Variants in TP63 observed in about 807,000 individuals in gnomAD.
TP63 encodes the protein tumor protein 63.
In TP63, 17 loss-of-function variants were observed where a neutral mutation model predicts 82.8. The observed-to-expected ratio is 0.21, with a 90% CI of 0.14 to 0.31. The LOEUF (loss-of-function observed/expected upper bound fraction) is 0.31. TP63 is among the 10% of genes least tolerant of loss of function. The probability of loss-of-function intolerance (pLI) is 1.00; values close to 1 mark genes in which losing one functional copy is unlikely to be tolerated. For missense variants in TP63, 648 were observed against 895.3 expected, an observed-to-expected ratio of 0.72 and a Z score of 3.52; for synonymous variants, 330 against 321.7, an observed-to-expected ratio of 1.03 and a Z score of -0.28.
chr3:189,669,589 C>T (rs1380104500), intron 1 of TP63, among the ~76,000 whole-genome samples: 1 of 151,850 alleles, frequency 6.6e-6, no homozygotes, highest in East Asian at 1.9e-4. Context: ...AAACCTGTGA[C>T]AATAGTGAAA....
chr3:189,741,215 A>C (rs575789637), intron 3 of TP63, among the ~76,000 whole-genome samples: 9 of 135,342 alleles, frequency 6.6e-5, no homozygotes, highest in African/African-American at 1.9e-4. Context: ...AAAAAAAAAA[A>C]AACCCTGAGA....
At chr3:189,882,506 C>G (rs1375738581) in intron 10 of TP63, among the ~76,000 whole-genome samples, 1 of 149,848 alleles carries the variant, frequency 6.7e-6, no homozygotes. Context: ...AACAAGGATG[C>G]TCTGCTCCGC....
intron 3 of TP63, 30 bp downstream of exon 3, chr3:189,738,804 T>A: frequency 6.2e-7 from 1 of 1,613,132 alleles, no homozygotes. Flanking sequence ...TCTTCAGTCT[T>A]TGGGCCATGC....
At chr3:189,660,637 G>A (rs973800317) in intron 1 of TP63, among the ~76,000 whole-genome samples, 1 of 152,010 alleles carries the variant, frequency 6.6e-6, no homozygotes, top group Non-Finnish European at 1.5e-5. Flanking sequence ...TGTTGAATCT[G>A]TAGATTGATT....
intron 4 of TP63, among the ~76,000 whole-genome samples, chr3:189,819,850 CAA>C (rs1728614247): frequency 7.0e-6 from 1 of 143,208 alleles, no homozygotes; most frequent in African/African-American, 2.6e-5. Context: ...CTCCCAGGTT[CAA>C]GCAACTCTCT....
intron 3 of TP63, among the ~76,000 whole-genome samples, chr3:189,769,330 A>G (rs567311589): frequency 3.2e-4 from 49 of 152,310 alleles, no homozygotes; most frequent in Non-Finnish European, 5.4e-4. Flanking sequence ...AAATGAAAGC[A>G]CAATTTTATC....
intron 8 of TP63, among the ~76,000 whole-genome samples, chr3:189,869,029 A>G (rs1718083679): frequency 6.6e-6 from 1 of 152,126 alleles, no homozygotes; most frequent in African/African-American, 2.4e-5. Context: ...TTCCTGCAAC[A>G]TTACTTAAGC....
At chr3:189,706,553 C>G (rs1268576827) in intron 1 of TP63, among the ~76,000 whole-genome samples, 3 of 152,182 alleles carry the variant, frequency 2.0e-5, no homozygotes, top group African/African-American at 7.2e-5. Flanking sequence ...CGTGCCCGGC[C>G]GTGAATTTAC....
the TP63 span, among the ~76,000 whole-genome samples, chr3:189,600,172 C>T: frequency 2.0e-5 from 3 of 152,150 alleles, no homozygotes; most frequent in Non-Finnish European, 2.9e-5. Context: ...TTTGACAAAA[C>T]TTGTTGAATT....
chr3:189,730,380 G>T (rs936327793), intron 1 of TP63, among the ~76,000 whole-genome samples: 41 of 152,182 alleles, frequency 2.7e-4, no homozygotes, highest in African/African-American at 8.7e-4. Flanking sequence ...GAAAAAGGCT[G>T]ACTATTTTGA....
chr3:189,826,540 T>C (rs1423297652), intron 4 of TP63, among the ~76,000 whole-genome samples: 1 of 152,216 alleles, frequency 6.6e-6, no homozygotes, highest in African/African-American at 2.4e-5. Context: ...AGTCAGGAGT[T>C]GAGTGAAATA....
chr3:189,610,983 C>T, the TP63 span, among the ~76,000 whole-genome samples: 2 of 152,154 alleles, frequency 1.3e-5, no homozygotes, highest in Non-Finnish European at 2.9e-5. Flanking sequence ...TATTTGCTGT[C>T]ATAATAACAG....
At chr3:189,610,908 A>C in the TP63 span, among the ~76,000 whole-genome samples, 1 of 152,316 alleles carries the variant, frequency 6.6e-6, no homozygotes, top group African/African-American at 2.4e-5. Context: ...GAATGGCAGC[A>C]GGCAAAAAGA....
In TP63 at chr3:189,897,249, A is replaced by T. The variant is rs1577219337; in HGVS notation, c.*2747A>T. ...TTTGCCAGGACATGCAATAAAATTT[A>T]AAAAATAAATAAAAACTAATTAAGA... is the stretch of plus-strand genomic sequence containing the variant. On this transcript the variant is annotated 3_prime_UTR_variant, in exon 14 of 14. Coordinates refer to ENST00000264731, the MANE Select transcript of TP63 (RefSeq NM_003722.5). The T allele has an allele frequency of 1.0e-5, 2 of 198,344 alleles. No homozygotes were observed. The highest frequency in any genetic ancestry group is 8.0e-5 in the East Asian group (1 of 12,544). 12.3% of individuals were successfully genotyped at this position (198,344 alleles called of 1,614,324 possible). A position where few individuals can be genotyped will look rare whatever the true frequency, so the allele number is the denominator to read the frequency against.
At chr3:189,867,023 C>T (rs1717810335) in intron 6 of TP63, among the ~76,000 whole-genome samples, 2 of 152,114 alleles carry the variant, frequency 1.3e-5, no homozygotes, top group African/African-American at 4.8e-5. Context: ...GCTCTGTGTC[C>T]ATATTCCCAT....
At chr3:189,733,162 C>CA (rs950079686) in intron 1 of TP63, among the ~76,000 whole-genome samples, 22 of 151,054 alleles carry the variant, frequency 1.5e-4, no homozygotes, top group South Asian at 1.3e-3. Flanking sequence ...AAAAGCAAAA[C>CA]AAAAAAAATA....
chr3:189,882,813 A>G (rs1720067462), intron 10 of TP63, among the ~76,000 whole-genome samples: 1 of 152,192 alleles, frequency 6.6e-6, no homozygotes, highest in Non-Finnish European at 1.5e-5. Context: ...TTCAATTTTG[A>G]ATTTTATTCT....
the TP63 span, among the ~76,000 whole-genome samples, chr3:189,611,687 A>C: frequency 6.6e-6 from 1 of 152,274 alleles, no homozygotes; most frequent in South Asian, 2.1e-4. Flanking sequence ...GTTTGATAGG[A>C]ATAGCATTGT....
intron 1 of TP63, among the ~76,000 whole-genome samples, chr3:189,678,875 G>A (rs1715670461): frequency 6.6e-6 from 1 of 151,822 alleles, no homozygotes; most frequent in Non-Finnish European, 1.5e-5. Flanking sequence ...TGTAAATGAG[G>A]TTTACTTCTT....
Sources: allele counts gnomAD v4.1 joint callset (sites outside exome capture counted in the v4.1 genomes callset), GRCh38; gene constraint gnomAD v4.1.1; transcripts MANE v1.5; gene names NCBI Gene and HGNC (gene_info 2026-07-23, HGNC 2026-07-21).